The following A2ML1 variants were observed in gnomAD, a reference collection of about 807,000 sequenced individuals.
A2ML1 encodes the protein alpha-2-macroglobulin like 1, also known as alpha-2-macroglobulin-like protein 1.
In A2ML1, 161 loss-of-function variants were observed where a neutral mutation model predicts 181.9. The ratio of observed to expected loss-of-function variants is 0.89; its 90% CI spans 0.78 to 1.01. The LOEUF is 1.01. Ranked by LOEUF, A2ML1 falls within the 50% of genes least tolerant of loss-of-function variation. The pLI is 0.00. For missense variants in A2ML1, 1,670 were observed against 1,768.1 expected (o/e 0.94, Z 1.00); for synonymous variants, 663 against 666.8 (o/e 0.99, Z 0.09).
chr12:8,845,710 C>T (rs1167119203), intron 13 of A2ML1, among the ~76,000 whole-genome samples: 1 of 151,956 alleles, frequency 6.6e-6, no homozygotes, highest in Non-Finnish European at 1.5e-5. Context: ...ATTAGCCGGA[C>T]GTCGGGGCGG....
At chr12:8,885,902 A>C (rs1235193598) in intron 7 of A2ML1, among the ~76,000 whole-genome samples, 2 of 152,072 alleles carry the variant, frequency 1.3e-5, no homozygotes, top group East Asian at 3.8e-4. Context: ...TTCCCACTAC[A>C]TTACAGCATG....
chr12:8,866,731 ACTT>A (rs1190826428), intron 29 of A2ML1, among the ~76,000 whole-genome samples: 1 of 152,160 alleles, frequency 6.6e-6, no homozygotes, highest in Non-Finnish European at 1.5e-5. Context: ...CACAGATAGA[ACTT>A]CTTCACAGCT....
rs764338975 is a variant in A2ML1, at chr12:8,829,637, A to G, written c.410-90A>G. On this transcript the variant is annotated intron_variant, in intron 3 of 35. Transcript: ENST00000299698. ...GCCACTGCACTCCAACCTGGGTGAC[A>G]GAGTGAGACCCTGTATCAAAAAAAA... 4.3e-4 allele frequency: 563 copies of G among 1,296,288 alleles called. 5 individuals are homozygous for G. The African/African-American group carries it at 7.8e-3, about 18-fold the overall frequency. 80.3% of individuals were successfully genotyped at this position (1,296,288 alleles called of 1,614,324 possible).
chr12:8,845,295 A>G, intron 12 of A2ML1, 147 bp from the exon 13 acceptor site: 1 of 1,418,124 alleles, frequency 7.1e-7, no homozygotes, highest in Non-Finnish European at 9.7e-7. Context: ...TTGTCAAGCT[A>G]GTGGATGCTG....
Position 8,851,998 on chromosome 12 carries a change from A to G in A2ML1, c.2449A>G (p.Lys817Glu). The change falls in exon 19 of 36, where the codon AAG becomes GAG. Residue 817 changes from lysine to glutamate, a missense_variant. Transcript: ENST00000299698. ...RLTATIFNYL[K>E]DCIRVQTDLA... ...TACTGCCACCATCTTCAATTACCTA[A>G]AGGATTGCATCAGGGTGAGAGCTGG... 1 of 1,613,816 alleles carries G rather than the reference A, an allele frequency of 6.2e-7. No individual in the cohort carries two copies. The highest frequency in any genetic ancestry group is 8.5e-7 in the Non-Finnish European group (1 of 1,179,800).
intron 33 of A2ML1, among the ~76,000 whole-genome samples, chr12:8,872,732 C>T (rs756674088): frequency 2.0e-5 from 3 of 147,132 alleles, no homozygotes; most frequent in Middle Eastern, 3.5e-3. Context: ...TGCGGTGAGC[C>T]GAGATCATGC....
chr12:8,842,198 C>T (rs947925621), intron 11 of A2ML1, among the ~76,000 whole-genome samples: 1 of 151,634 alleles, frequency 6.6e-6, no homozygotes, highest in African/African-American at 2.4e-5. Context: ...TTCCAAACCT[C>T]TGTATATTGC....
chr12:8,861,637 A>G lies in A2ML1; in HGVS notation c.3502+340A>G, dbSNP rs761322257. ...CCAGTAGCTGGGACTACAGGCGCCC[A>G]CCACCACGCCCGGCGAATTTTTTGT... is the stretch of plus-strand genomic sequence containing the variant. On this transcript the variant is annotated intron_variant, in intron 28 of 35. Coordinates refer to ENST00000299698, the MANE Select transcript of A2ML1 (RefSeq NM_144670.6). Among the ~76,000 whole-genome samples the G allele has an allele frequency of 1.8e-3, 275 of 150,810 alleles. 1 individual carries two copies. Among genetic ancestry groups the G allele is most frequent in the Middle Eastern group, 7.0e-3 (2 of 284 alleles).
chr12:8,842,508 C>T (rs953920531), intron 11 of A2ML1, among the ~76,000 whole-genome samples: 9 of 152,132 alleles, frequency 5.9e-5, no homozygotes, highest in Admixed American at 1.3e-4. Context: ...CGTGAGCCAC[C>T]GCGCCCGGCC....
At chr12:8,830,831 T>C (rs1169984765) in intron 4 of A2ML1, 1 of 152,194 alleles carries the variant, frequency 6.6e-6, no homozygotes, top group African/African-American at 2.4e-5. Context: ...CTTGTTATGA[T>C]TGGTAATGCC....
chr12:8,854,152 CA>C lies in A2ML1; in HGVS notation c.2618del (p.Lys873ArgfsTer122). On this transcript the variant is annotated frameshift_variant, in exon 21 of 36. Coordinates refer to ENST00000299698, the MANE Select transcript of A2ML1 (RefSeq NM_144670.6). LOFTEE classifies it high-confidence loss of function. ...GGTCACATTAACTTTACTATTAGTA[CA>C]AAGATTCTGGACAGCAATGAACCAT... Reference protein sequence around the residue: ...KLGHINFTISTKILDSNEPCG... With the variant: ...KLGHINFTISXKILDSNEPCG... The C allele has an allele frequency of 1.2e-6, 2 of 1,602,668 alleles. No homozygotes were observed. The highest frequency in any genetic ancestry group is 1.7e-6 in the Non-Finnish European group (2 of 1,174,290).
chr12:8,875,303 C>T (rs993991925), intron 35 of A2ML1, among the ~76,000 whole-genome samples: 2 of 152,052 alleles, frequency 1.3e-5, no homozygotes, highest in East Asian at 3.9e-4. Flanking sequence ...GTCTCGAACT[C>T]CTGACTTCAG....
chr12:8,832,811 A>G (rs778627275), intron 4 of A2ML1, among the ~76,000 whole-genome samples: 5 of 152,204 alleles, frequency 3.3e-5, no homozygotes, highest in African/African-American at 1.2e-4. Context: ...TTTCACTGTC[A>G]TCGTTTCCTC....
chr12:8,857,009 C>T (rs969301015), intron 23 of A2ML1, among the ~76,000 whole-genome samples, 155 bp from the exon 24 acceptor site: 1 of 150,804 alleles, frequency 6.6e-6, no homozygotes, highest in Non-Finnish European at 1.5e-5. Flanking sequence ...GCCTCCCATA[C>T]TGCTGGAATT....
chr12:8,857,965 A>C lies in A2ML1; in HGVS notation c.3127A>C (p.Lys1043Gln). 3 of 1,614,128 alleles carry C rather than the reference A, an allele frequency of 1.9e-6. No homozygotes were observed. The highest frequency in any genetic ancestry group is 2.5e-6 in the Non-Finnish European group (3 of 1,179,996). The change falls in exon 26 of 36, where the codon AAA becomes CAA. Residue 1043 changes from lysine to glutamine, a missense_variant. By Grantham distance (53) the Lys-to-Gln change is moderately conservative. Coordinates refer to ENST00000299698, the MANE Select transcript of A2ML1 (RefSeq NM_144670.6). Reference protein sequence around the residue: ...GNTWLTAFVTKCFGQAQKFIF... With the variant: ...GNTWLTAFVTQCFGQAQKFIF... ...ATGTAGGCTGACAGCGTTTGTCACA[A>C]AATGCTTTGGCCAAGCTCAGAAATT...
intron 32 of A2ML1, among the ~76,000 whole-genome samples, 165 bp downstream of exon 32, chr12:8,868,792 AG>A (rs775660300): frequency 6.6e-6 from 1 of 152,032 alleles, no homozygotes; most frequent in Non-Finnish European, 1.5e-5. Context: ...TTGTAAGAAA[AG>A]TAGTTTTCAT....
At chr12:8,830,050 T>C (rs931391335) in intron 4 of A2ML1, among the ~76,000 whole-genome samples, 8 of 152,084 alleles carry the variant, frequency 5.3e-5, no homozygotes, top group African/African-American at 1.9e-4. Flanking sequence ...GTCATTTTAT[T>C]TTATTTATTT....
Position 8,823,246 on chromosome 12 carries a change from C to G in A2ML1, c.127C>G (p.Leu43Val), listed in dbSNP as rs1051881399. ...FPSVQKVCLD[L>V]SPGYSDVKFT... is the part of the protein sequence containing the mutation. ...CTCCGTTCAGAAGGTTTGTTTGGAC[C>G]TGAGCCCTGGGTACAGTGATGTTAA... The change falls in exon 2 of 36, where the codon CTG (leucine) becomes GTG (valine). Residue 43 changes from leucine to valine, a missense_variant. Leu to Val is a conservative substitution (Grantham distance 32, BLOSUM62 1). Transcript: ENST00000299698. 2 of 1,614,118 alleles carry G rather than the reference C, an allele frequency of 1.2e-6. No individual in the cohort carries two copies. Among genetic ancestry groups the G allele is most frequent in the Admixed American group, 3.3e-5 (2 of 60,016 alleles).
In A2ML1 at chr12:8,850,245, G is replaced by A. The variant is rs1387491285; in HGVS notation, c.2205G>A (p.Glu735=). ...CTCAGGTCCGCCAGTACTTCCCAGAGACCTGGCTCTGGGATCTGTTTCCTA... is the reference window on the plus strand; with the variant it reads ...CTCAGGTCCGCCAGTACTTCCCAGAAACCTGGCTCTGGGATCTGTTTCCTA... ...EDSQVRQYFP[E]TWLWDLFPIG... The change falls in exon 18 of 36, where the codon GAG becomes GAA. Residue 735 remains glutamate, a synonymous_variant. Transcript: ENST00000299698. The A allele has an allele frequency of 6.2e-7, 1 of 1,612,940 alleles. No homozygotes were observed. The highest frequency in any genetic ancestry group is 1.1e-5 in the South Asian group (1 of 90,896).
Sources: allele counts gnomAD v4.1 joint callset (sites outside exome capture counted in the v4.1 genomes callset), GRCh38; gene constraint gnomAD v4.1.1; transcripts MANE v1.5; gene names NCBI Gene and HGNC (gene_info 2026-07-23, HGNC 2026-07-21).